Variants in UGT2A1 observed in about 807,000 individuals in gnomAD.
The protein encoded by UGT2A1 is UDP-glucuronosyltransferase 2A1.
In UGT2A1, 61 loss-of-function variants were observed where a neutral mutation model predicts 45.4. That is an observed-to-expected ratio of 1.34 (90% CI 1.09 to 1.66). The LOEUF is 1.66. Ranked by LOEUF, UGT2A1 falls within the 40% of genes most tolerant of loss-of-function variation. UGT2A1 has a pLI of 0.00. For synonymous variants in UGT2A1, 229 were observed against 196.2 expected (o/e 1.17, Z -1.40); for missense variants, 649 against 574.3 (o/e 1.13, Z -1.33).
chr4:69,594,718 A>T (rs773665331), intron 5 of UGT2A1, 22 bp from the exon 6 acceptor site: 2 of 1,604,066 alleles, frequency 1.2e-6, no homozygotes, highest in Non-Finnish European at 1.7e-6. Context: ...ATGGAGTGAG[A>T]AGTGGGTGTG....
chr4:69,593,149 CT>C (rs1256810220), intron 6 of UGT2A1, among the ~76,000 whole-genome samples: 1 of 152,004 alleles, frequency 6.6e-6, no homozygotes, highest in Non-Finnish European at 1.5e-5. Context: ...GTGAATATTG[CT>C]AAACATTATC....
chr4:69,635,000 T>C (rs1721594553), intron 3 of UGT2A1, among the ~76,000 whole-genome samples: 1 of 152,146 alleles, frequency 6.6e-6, no homozygotes, highest in Non-Finnish European at 1.5e-5. Context: ...CAGGAAATGC[T>C]TGAGGGGATG....
intron 3 of UGT2A1, among the ~76,000 whole-genome samples, chr4:69,616,604 A>G (rs554408744): frequency 1.3e-5 from 2 of 152,066 alleles, no homozygotes; most frequent in South Asian, 4.1e-4. Context: ...CCAGTTTACC[A>G]TTTCCTGTAA....
At chr4:69,623,883 A>C (rs935431244) in intron 3 of UGT2A1, among the ~76,000 whole-genome samples, 11 of 151,688 alleles carry the variant, frequency 7.3e-5, no homozygotes, top group Non-Finnish European at 4.4e-5. Context: ...GAAAATACAA[A>C]CAAGAAAGAT....
At chr4:69,601,066 C>G (rs539382709) in intron 3 of UGT2A1, among the ~76,000 whole-genome samples, 1 of 152,058 alleles carries the variant, frequency 6.6e-6, no homozygotes, top group Non-Finnish European at 1.5e-5. Flanking sequence ...ATCCAGTTAC[C>G]TGATGCTAGT....
chr4:69,606,869 C>A lies in UGT2A1; in HGVS notation c.848-7475G>T, dbSNP rs552919503. On this transcript the variant is annotated intron_variant, in intron 3 of 6. Coordinates refer to ENST00000286604, the MANE Select transcript of UGT2A1 (RefSeq NM_001252275.3). ...ACCTAGGAATCCAACTTACAAGGGA[C>A]GTAAGGACCTCTTCAAGAACTACAA... Among the ~76,000 whole-genome samples, 2 of 135,532 alleles carry A rather than the reference C, an allele frequency of 1.5e-5. 1 individual carries two copies. Among genetic ancestry groups the A allele is most frequent in the South Asian group, 4.9e-4 (2 of 4,086 alleles). The allele number at this position is 135,532 out of a possible 152,430, so 88.9% of individuals were successfully genotyped here. A position where few individuals can be genotyped will look rare whatever the true frequency, so the allele number is the denominator to read the frequency against.
intron 1 of UGT2A1, among the ~76,000 whole-genome samples, chr4:69,649,010 C>A (rs2109982441): frequency 6.6e-6 from 1 of 152,128 alleles, no homozygotes; most frequent in South Asian, 2.1e-4. Context: ...GTGTAACGCA[C>A]ATTGGATAAT....
rs758907420 is a variant in UGT2A1 at position 69,639,224 on chromosome 4, T to C, written c.716-3402A>G. On this transcript the variant is annotated intron_variant, in intron 2 of 6. Transcript: ENST00000286604. Reference sequence around the variant, plus strand: ...GTCTTGCCATCAACTTTGGGTTCTTTAGTACACCATCACAGAGTTGTATGT... The same window carrying C: ...GTCTTGCCATCAACTTTGGGTTCTTCAGTACACCATCACAGAGTTGTATGT... 5 of 1,613,580 alleles carry C rather than the reference T, an allele frequency of 3.1e-6. No individual in the cohort carries two copies. In the Admixed American group the frequency reaches 6.7e-5, roughly 22 times the overall value.
intron 2 of UGT2A1, among the ~76,000 whole-genome samples, chr4:69,642,880 T>C (rs1414912425): frequency 6.6e-6 from 1 of 151,522 alleles, no homozygotes; most frequent in Non-Finnish European, 1.5e-5. Flanking sequence ...TGCTTATGGA[T>C]TATAAGTATT....
At chr4:69,634,011 C>T (rs1460627401) in intron 3 of UGT2A1, among the ~76,000 whole-genome samples, 1 of 151,994 alleles carries the variant, frequency 6.6e-6, no homozygotes, top group East Asian at 1.9e-4. Context: ...TTTGGGAGGC[C>T]GAGGCGGGCG....
At chr4:69,601,360 T>A (rs1007144292) in intron 3 of UGT2A1, among the ~76,000 whole-genome samples, 4 of 152,072 alleles carry the variant, frequency 2.6e-5, no homozygotes, top group African/African-American at 9.7e-5. Flanking sequence ...GGACAGAGAA[T>A]TTGGGGAGCT....
chr4:69,596,586 G>C (rs868577207), intron 4 of UGT2A1, among the ~76,000 whole-genome samples: 1 of 152,082 alleles, frequency 6.6e-6, no homozygotes, highest in African/African-American at 2.4e-5. Context: ...GCAGTGGCAT[G>C]ATCTCTGCTC....
intron 3 of UGT2A1, among the ~76,000 whole-genome samples, chr4:69,614,163 G>A (rs1416378380): frequency 1.3e-5 from 2 of 151,766 alleles, no homozygotes; most frequent in Non-Finnish European, 2.9e-5. Context: ...AATATCAGTG[G>A]CATTTCTATA....
Position 69,599,432 on chromosome 4 carries a change from C to A in UGT2A1, c.848-38G>T, listed in dbSNP as rs748197737. 4 of 1,601,474 alleles carry A rather than the reference C, an allele frequency of 2.5e-6. No homozygotes were observed. In the African/African-American group the frequency reaches 5.4e-5, roughly 22 times the overall value. On this transcript the variant is annotated intron_variant, in intron 3 of 6. Coordinates refer to ENST00000286604, the MANE Select transcript of UGT2A1 (RefSeq NM_001252275.3). The stretch of plus-strand genomic sequence containing the variant: ...TAACAAGTTGGATGGAGGAAATTAG[C>A]TTATATGTTTGCTGAGGAGAAAAAA...
intron 3 of UGT2A1, among the ~76,000 whole-genome samples, chr4:69,608,963 C>T (rs1485309984): frequency 1.3e-5 from 2 of 151,868 alleles, no homozygotes; most frequent in Non-Finnish European, 2.9e-5. Context: ...TTTTTAATTT[C>T]ATAGTAGAAA....
chr4:69,589,651 A>G lies in UGT2A1; in HGVS notation c.1305T>C (p.Ser435=), dbSNP rs745857048. The change falls in exon 7 of 7, where the codon TCT becomes TCC. Residue 435 remains serine (S), a splice_region_variant and synonymous_variant. Transcript: ENST00000286604. ...ATAACCTCATAGCATTCTCTTTATA[A>G]CTAGAAGACAAATAAATAGGCAGAA... The part of the protein sequence containing the change: ...SALRTVINEP[S]YKENAMRLSR... 6.3e-7 allele frequency: 1 copy of G among 1,592,482 alleles called. No homozygotes were observed. The highest frequency in any genetic ancestry group is 1.1e-5 in the South Asian group (1 of 88,160).
intron 3 of UGT2A1, 52 bp downstream of exon 3, chr4:69,635,639 C>T (rs1721636789): frequency 1.0e-5 from 2 of 199,642 alleles, no homozygotes; most frequent in African/African-American, 2.4e-5. Flanking sequence ...AGACCAGCCT[C>T]GCCAACATGG....
At chr4:69,642,253 T>C (rs1368718926) in intron 2 of UGT2A1, among the ~76,000 whole-genome samples, 1 of 151,846 alleles carries the variant, frequency 6.6e-6, no homozygotes, top group African/African-American at 2.4e-5. Flanking sequence ...GAATTTCCAA[T>C]GTCCCAATGT....
chr4:69,623,646 G>A (rs893785824), intron 3 of UGT2A1, among the ~76,000 whole-genome samples: 2 of 151,300 alleles, frequency 1.3e-5, no homozygotes, highest in Admixed American at 6.6e-5. Flanking sequence ...GAGCAAATGA[G>A]CAGCCAAGGT....
Sources: allele counts gnomAD v4.1 joint callset (sites outside exome capture counted in the v4.1 genomes callset), GRCh38; gene constraint gnomAD v4.1.1; transcripts MANE v1.5; gene names NCBI Gene and HGNC (gene_info 2026-07-23, HGNC 2026-07-21).